The following PCDH11X variants were observed in gnomAD, a reference collection of about 807,000 sequenced individuals.
PCDH11X encodes protocadherin 11 X-linked, also known as protocadherin-11 X-linked.
PCDH11X carries 18 observed loss-of-function variants against 53.3 expected under a neutral mutation model. That is an observed-to-expected ratio of 0.34 (90% CI 0.23 to 0.50). PCDH11X has a LOEUF of 0.50. Ranked by LOEUF, PCDH11X falls within the 20% of genes least tolerant of loss-of-function variation. PCDH11X has a pLI of 0.98. For synonymous variants in PCDH11X, 279 were observed against 393.3 expected (o/e 0.71, Z 3.44); for missense variants, 570 against 1,032.4 (o/e 0.55, Z 6.14).
intron 6 of PCDH11X, among the ~76,000 whole-genome samples, chrX:92,136,797 G>A (rs1480864300): frequency 9.1e-6 from 1 of 110,231 alleles, no homozygotes; most frequent in Non-Finnish European, 1.9e-5. Flanking sequence ...GCTGAGCAGA[G>A]GAATTATATG....
At chrX:92,110,093 A>G (rs960124137) in intron 6 of PCDH11X, among the ~76,000 whole-genome samples, 5 of 112,206 alleles carry the variant, frequency 4.5e-5, no homozygotes, top group Admixed American at 2.8e-4. Flanking sequence ...ATTAGTCCCT[A>G]AATATAAATC....
chrX:92,370,069 T>G (rs1431618589), intron 8 of PCDH11X, among the ~76,000 whole-genome samples: 2 of 107,779 alleles, frequency 1.9e-5, no homozygotes, highest in African/African-American at 6.8e-5. Context: ...ATCTCATAAT[T>G]TTTTTGCATT....
At chrX:92,263,191 A>G (rs1321678080) in intron 8 of PCDH11X, 48 bp downstream of exon 8, 1 of 1,064,762 alleles carries the variant, frequency 9.4e-7, no homozygotes, top group Non-Finnish European at 1.3e-6. Flanking sequence ...TGTTGTGTTT[A>G]TACTGTGTGA....
At chrX:92,107,677 A>G (rs2064414780) in intron 6 of PCDH11X, among the ~76,000 whole-genome samples, 1 of 112,220 alleles carries the variant, frequency 8.9e-6, no homozygotes, top group Non-Finnish European at 1.9e-5. Context: ...CCCCACTTTG[A>G]ATTGTCCCAC....
intron 6 of PCDH11X, among the ~76,000 whole-genome samples, chrX:92,054,820 CA>C (rs1174448342): frequency 2.5e-3 from 63 of 25,340 alleles, no homozygotes; most frequent in Non-Finnish European, 3.9e-3. Flanking sequence ...AACTCTGTCT[CA>C]AAAAAAAAAA....
intron 6 of PCDH11X, among the ~76,000 whole-genome samples, chrX:91,934,602 A>G (rs1315814242): frequency 9.3e-6 from 1 of 107,606 alleles, no homozygotes; most frequent in Non-Finnish European, 1.9e-5. Context: ...GGGGCACCTT[A>G]TCCGATTCTT....
intron 6 of PCDH11X, among the ~76,000 whole-genome samples, chrX:91,977,149 G>A (rs925623781): frequency 8.9e-6 from 1 of 111,735 alleles, no homozygotes; most frequent in African/African-American, 3.3e-5. Flanking sequence ...GATATAAATT[G>A]CAAGAGTAAG....
chrX:92,186,998 A>G (rs2066110778), intron 6 of PCDH11X, among the ~76,000 whole-genome samples: 1 of 112,209 alleles, frequency 8.9e-6, no homozygotes, highest in South Asian at 3.7e-4. Flanking sequence ...ATTTACTTAT[A>G]TATTTCAAAA....
At chrX:92,218,429 A>G (rs2066773289) in intron 7 of PCDH11X, among the ~76,000 whole-genome samples, 1 of 111,807 alleles carries the variant, frequency 8.9e-6, no homozygotes. Context: ...CTCTATGAAA[A>G]TAAACTAGAA....
chrX:92,230,710 ATC>A (rs1316151619), intron 7 of PCDH11X, among the ~76,000 whole-genome samples: 1 of 102,865 alleles, frequency 9.7e-6, no homozygotes, highest in East Asian at 3.0e-4. Flanking sequence ...TGGAGCTGGT[ATC>A]CTGGGAATTC....
chrX:92,286,169 C>T (rs1569455016), intron 8 of PCDH11X, among the ~76,000 whole-genome samples: 1 of 107,629 alleles, frequency 9.3e-6, no homozygotes, highest in South Asian at 4.1e-4. Context: ...AGTTTATGGC[C>T]AGATTTGGGG....
At chrX:92,380,276 C>T (rs1247060408) in intron 8 of PCDH11X, among the ~76,000 whole-genome samples, 5 of 108,154 alleles carry the variant, frequency 4.6e-5, no homozygotes, top group East Asian at 2.9e-4. Context: ...GCGCAGTGGC[C>T]GGAACTTGTG....
At chrX:92,149,477 A>ATG (rs1180768042) in intron 6 of PCDH11X, among the ~76,000 whole-genome samples, 4 of 87,161 alleles carry the variant, frequency 4.6e-5, no homozygotes, top group African/African-American at 4.9e-5. Flanking sequence ...GTGTGTATAT[A>ATG]TGTGTGTGTG....
chrX:92,144,398 T>C (rs1462789025), intron 6 of PCDH11X, among the ~76,000 whole-genome samples: 3 of 110,729 alleles, frequency 2.7e-5, no homozygotes, highest in Non-Finnish European at 3.8e-5. Flanking sequence ...GGGGAGATCA[T>C]TGAATCAAGT....
chrX:92,515,072 AAGAAT>A (rs1357855582), intron 10 of PCDH11X, among the ~76,000 whole-genome samples: 1 of 105,023 alleles, frequency 9.5e-6, no homozygotes, highest in African/African-American at 3.4e-5. Context: ...AAGAAAAGAA[AAGAAT>A]CACCCTTATC....
chrX:92,592,653 C>G (rs1173671749), intron 10 of PCDH11X, among the ~76,000 whole-genome samples: 2 of 111,527 alleles, frequency 1.8e-5, no homozygotes, highest in Non-Finnish European at 3.8e-5. Flanking sequence ...ATCGCTTGAA[C>G]CGGGGAAGCG....
intron 6 of PCDH11X, among the ~76,000 whole-genome samples, chrX:92,002,187 CT>C (rs771841909): frequency 9.0e-6 from 1 of 110,869 alleles, no homozygotes; most frequent in Non-Finnish European, 1.9e-5. Flanking sequence ...TTCTTGGAAC[CT>C]TTGTCAAAAA....
intron 10 of PCDH11X, among the ~76,000 whole-genome samples, chrX:92,505,302 A>T (rs1603350748): frequency 2.2e-5 from 2 of 90,979 alleles, no homozygotes; most frequent in African/African-American, 4.2e-5. Context: ...GGTATTTCTT[A>T]GGTTATCTTC....
intron 6 of PCDH11X, among the ~76,000 whole-genome samples, chrX:92,014,642 T>C (rs982729390): frequency 6.3e-5 from 7 of 111,257 alleles, no homozygotes; most frequent in East Asian, 5.7e-4. Flanking sequence ...AGCCAAATGT[T>C]CAACAATGAT....
Sources: allele counts gnomAD v4.1 joint callset (sites outside exome capture counted in the v4.1 genomes callset), GRCh38; gene constraint gnomAD v4.1.1; transcripts MANE v1.5; gene names NCBI Gene and HGNC (gene_info 2026-07-23, HGNC 2026-07-21).